The following IFT80 variants were observed in gnomAD, a reference collection of about 807,000 sequenced individuals.
IFT80 encodes the protein intraflagellar transport protein 80 homolog.
A neutral mutation model predicts 107.9 loss-of-function variants in IFT80; 79 were observed. The observed-to-expected ratio is 0.73, with a 90% CI of 0.61 to 0.88. The LOEUF is 0.88. Among genes scored for constraint, IFT80 ranks in the 40% least tolerant of loss-of-function variants. IFT80 has a pLI of 0.00. For missense variants in IFT80, 797 were observed against 914.2 expected (o/e 0.87, Z 1.65); for synonymous variants, 299 against 300.9 (o/e 0.99, Z 0.07).
At chr3:160,306,583 A>AG (rs111675469) in intron 10 of IFT80, among the ~76,000 whole-genome samples, 99 of 150,496 alleles carry the variant, frequency 6.6e-4, no homozygotes, top group South Asian at 3.6e-3. Flanking sequence ...CTCTCATGTA[A>AG]GGAAAAAAAA....
At chr3:160,301,334 A>G (rs1283963204) in intron 11 of IFT80, among the ~76,000 whole-genome samples, 1 of 151,968 alleles carries the variant, frequency 6.6e-6, no homozygotes, top group Non-Finnish European at 1.5e-5. Flanking sequence ...TTATACCCAC[A>G]ATTCATTTCC....
chr3:160,377,550 AT>A lies in IFT80; in HGVS notation c.260-11del. ...ATCAGATGAAATTTACCTGAAAGAAATTACATTTGAAAAATCTATTTTATTT... is the reference window on the plus strand; with the variant it reads ...ATCAGATGAAATTTACCTGAAAGAAATACATTTGAAAAATCTATTTTATTT... On this transcript the variant is annotated splice_polypyrimidine_tract_variant and intron_variant, in intron 3 of 19. Coordinates refer to ENST00000326448, the MANE Select transcript of IFT80 (RefSeq NM_020800.3). 1 of 1,470,966 alleles carries A rather than the reference AT, an allele frequency of 6.8e-7. No homozygotes were observed. Among genetic ancestry groups the A allele is most frequent in the Non-Finnish European group, 9.5e-7 (1 of 1,050,576 alleles). The allele number at this position is 1,470,966 out of a possible 1,614,324, so 91.1% of individuals were successfully genotyped here. A position where few individuals can be genotyped will look rare whatever the true frequency, so the allele number is the denominator to read the frequency against.
At chr3:160,293,251 T>C (rs957475468) in intron 12 of IFT80, among the ~76,000 whole-genome samples, 1 of 152,220 alleles carries the variant, frequency 6.6e-6, no homozygotes, top group Non-Finnish European at 1.5e-5. Context: ...TTGACAAACT[T>C]GAATGGAATC....
chr3:160,339,882 T>C (rs1297231190), intron 8 of IFT80, among the ~76,000 whole-genome samples: 1 of 152,186 alleles, frequency 6.6e-6, no homozygotes, highest in African/African-American at 2.4e-5. Context: ...CAACGTATTT[T>C]TGTCTGAAGG....
At chr3:160,337,284 G>A (rs753502953) in intron 8 of IFT80, among the ~76,000 whole-genome samples, 1 of 152,104 alleles carries the variant, frequency 6.6e-6, no homozygotes, top group South Asian at 2.1e-4. Flanking sequence ...AAAACATTCC[G>A]TGAGTTCTTA....
intron 8 of IFT80, among the ~76,000 whole-genome samples, chr3:160,334,887 C>G (rs1719352530): frequency 6.6e-6 from 1 of 151,328 alleles, no homozygotes; most frequent in South Asian, 2.1e-4. Context: ...TCCTGACTTA[C>G]ACAGGGAATT....
intron 18 of IFT80, among the ~76,000 whole-genome samples, chr3:160,275,141 T>C (rs1559913616): frequency 1.3e-5 from 2 of 152,214 alleles, no homozygotes; most frequent in African/African-American, 4.8e-5. Context: ...ATATAGCAAG[T>C]GTCTAGCACA....
rs148837767 is a variant in IFT80 at position 160,258,999 on chromosome 3, T to C, written c.2224-364A>G. Among the ~76,000 whole-genome samples, 462 of 151,974 alleles carry C rather than the reference T, an allele frequency of 3.0e-3. 2 individuals carry two copies. Among genetic ancestry groups the C allele is most frequent in the Admixed American group, 5.1e-3 (78 of 15,268 alleles). ...GGCACACACCTGTAGTCCCAGCTAT[T>C]AGGGAGGCTAAGGTGGGAGAATCAA... On this transcript the variant is annotated intron_variant, in intron 19 of 19. Coordinates refer to ENST00000326448, the MANE Select transcript of IFT80 (RefSeq NM_020800.3).
intron 13 of IFT80, 112 bp from the exon 14 acceptor site, chr3:160,282,725 A>G (rs958443340): frequency 8.6e-6 from 6 of 700,652 alleles, no homozygotes; most frequent in Non-Finnish European, 1.5e-5. Flanking sequence ...TCATTTCCCC[A>G]TTTATAATGA....
At chr3:160,380,224 C>T (rs938882070) in intron 3 of IFT80, among the ~76,000 whole-genome samples, 1 of 151,684 alleles carries the variant, frequency 6.6e-6, no homozygotes, top group Non-Finnish European at 1.5e-5. Context: ...TCAGTACAGA[C>T]GGGGGTTTCA....
chr3:160,258,008 T>C lies in IFT80; in HGVS notation c.*517A>G, dbSNP rs775515533. On this transcript the variant is annotated 3_prime_UTR_variant, in exon 20 of 20. Coordinates refer to ENST00000326448, the MANE Select transcript of IFT80 (RefSeq NM_020800.3). The stretch of plus-strand genomic sequence containing the variant: ...TGTTTATCCATTCATGATAGACACT[T>C]GAGCTGTTTCCATCTTTTGCTATTC... 14 of 171,552 alleles carry C rather than the reference T, an allele frequency of 8.2e-5. No individual in the cohort carries two copies. The highest frequency in any genetic ancestry group is 1.8e-4 in the Non-Finnish European group (14 of 79,930). 10.6% of individuals were successfully genotyped at this position (171,552 alleles called of 1,614,324 possible).
At chr3:160,263,432 A>C (rs1318053969) in intron 19 of IFT80, among the ~76,000 whole-genome samples, 1 of 152,158 alleles carries the variant, frequency 6.6e-6, no homozygotes, top group African/African-American at 2.4e-5. Context: ...TGCCTTCATT[A>C]CGAAGTCTAT....
rs552265644 is a variant in IFT80 at position 160,281,273 on chromosome 3, G to A, written c.1517-459C>T. Among the ~76,000 whole-genome samples the A allele has an allele frequency of 7.2e-5, 11 of 152,192 alleles. No individual in the cohort carries two copies. In the South Asian group the frequency reaches 1.7e-3, roughly 23 times the overall value. Reference sequence around the variant, plus strand: ...CTGCATACTGCTTTCACCAACCCACGGAGCCACCCTGCCCTGACAGCTAGC... The same window carrying A: ...CTGCATACTGCTTTCACCAACCCACAGAGCCACCCTGCCCTGACAGCTAGC... On this transcript the variant is annotated intron_variant, in intron 14 of 19. Transcript: ENST00000326448.
intron 8 of IFT80, among the ~76,000 whole-genome samples, chr3:160,348,241 G>A (rs542375522): frequency 1.3e-5 from 2 of 151,766 alleles, no homozygotes; most frequent in Non-Finnish European, 2.9e-5. Context: ...ATAATTTCTT[G>A]AACAATGAAA....
At position 160,279,276 on chromosome 3, in the gene IFT80, T is replaced by C. The variant is rs864622337; in HGVS notation, c.1753A>G (p.Ile585Val). Residue 585 changes from isoleucine to valine, a missense_variant, in exon 16 of 20, where the codon ATA (isoleucine) becomes GTA (valine). Ile to Val is a conservative substitution (Grantham distance 29). Transcript: ENST00000326448. ...TGGAGAATAGCAGGATATGGTGTTA[T>C]GCTGATGTGAACCAGGGAGCCATCA... ...RADGSLVHIS[I>V]TPYPAILHEY... 1 of 1,612,694 alleles carries C rather than the reference T, an allele frequency of 6.2e-7. No homozygotes were observed. The highest frequency in any genetic ancestry group is 1.3e-5 in the African/African-American group (1 of 75,026).
chr3:160,262,006 C>A (rs1712881496), intron 19 of IFT80, among the ~76,000 whole-genome samples: 1 of 152,148 alleles, frequency 6.6e-6, no homozygotes. Context: ...TTTCTAAATG[C>A]TGCTTCTTTC....
At chr3:160,346,821 A>G (rs1720327803) in intron 8 of IFT80, among the ~76,000 whole-genome samples, 2 of 150,274 alleles carry the variant, frequency 1.3e-5, no homozygotes, top group Non-Finnish European at 3.0e-5. Flanking sequence ...ACCACCTACA[A>G]CTCTACTTTA....
rs1712110156 is a variant in IFT80 at position 160,377,410 on chromosome 3, C to T, written c.370+20G>A. Reference sequence around the variant, plus strand: ...TCTTTAAAATATTCATTTCAAATGTCATTTTTACAGACAACTTACCTGTAA... The same window carrying T: ...TCTTTAAAATATTCATTTCAAATGTTATTTTTACAGACAACTTACCTGTAA... On this transcript the variant is annotated intron_variant, in intron 4 of 19. Coordinates refer to ENST00000326448, the MANE Select transcript of IFT80 (RefSeq NM_020800.3). 4.4e-6 allele frequency: 6 copies of T among 1,369,270 alleles called. No homozygotes were observed. Among genetic ancestry groups the T allele is most frequent in the African/African-American group, 1.4e-5 (1 of 70,080 alleles). 84.8% of individuals were successfully genotyped at this position (1,369,270 alleles called of 1,614,324 possible). A position where few individuals can be genotyped will look rare whatever the true frequency, so the allele number is the denominator to read the frequency against.
At chr3:160,345,944 C>A (rs1306273933) in intron 8 of IFT80, among the ~76,000 whole-genome samples, 1 of 152,024 alleles carries the variant, frequency 6.6e-6, no homozygotes, top group African/African-American at 2.4e-5. Context: ...GGAATGGATA[C>A]CCCATTTTCT....
Sources: gnomAD v4.1 joint callset for allele counts (sites outside exome capture counted in the v4.1 genomes callset) on GRCh38, gnomAD v4.1.1 for gene constraint, MANE v1.5 for transcripts, NCBI Gene and HGNC (gene_info 2026-07-23, HGNC 2026-07-21) for gene names.